The following JPH1 variants were observed in gnomAD, a reference collection of about 807,000 sequenced individuals.
JPH1 encodes junctophilin-1.
Under a neutral mutation model 53.6 loss-of-function variants are expected in JPH1, and 12 were observed. The ratio of observed to expected loss-of-function variants is 0.22; its 90% CI spans 0.14 to 0.36. JPH1 has a LOEUF of 0.36. JPH1 is among the 10% of genes least tolerant of loss of function. JPH1 has a pLI of 1.00. For synonymous variants in JPH1, 375 were observed against 363.8 expected, an observed-to-expected ratio of 1.03 and a Z score of -0.35; for missense variants, 808 against 905.5, an observed-to-expected ratio of 0.89 and a Z score of 1.38.
chr8:74,277,198 T>C (rs990117011), intron 2 of JPH1, among the ~76,000 whole-genome samples: 4 of 152,192 alleles, frequency 2.6e-5, no homozygotes, highest in African/African-American at 9.6e-5. Flanking sequence ...AAAGCCACCC[T>C]GAGGCCACAC....
At chr8:74,291,968 T>A (rs560223523) in intron 2 of JPH1, among the ~76,000 whole-genome samples, 2 of 152,086 alleles carry the variant, frequency 1.3e-5, no homozygotes, top group Non-Finnish European at 2.9e-5. Flanking sequence ...TAGGTGGGAA[T>A]TGAACAATGA....
intron 2 of JPH1, among the ~76,000 whole-genome samples, chr8:74,299,401 T>C (rs1213787570): frequency 6.6e-6 from 1 of 152,206 alleles, no homozygotes; most frequent in Non-Finnish European, 1.5e-5. Context: ...TAAATGGAGT[T>C]GTATACAGAT....
chr8:74,249,028 G>A (rs760682930), intron 3 of JPH1, among the ~76,000 whole-genome samples: 2 of 152,150 alleles, frequency 1.3e-5, no homozygotes, highest in African/African-American at 4.8e-5. Flanking sequence ...ACCCGCTCAC[G>A]GACATGGCTG....
Position 74,321,464 on chromosome 8 carries a change from C to T in JPH1, c.-177G>A. The T allele has an allele frequency of 1.9e-6, 1 of 531,920 alleles. No homozygotes were observed. The highest frequency in any genetic ancestry group is 3.0e-6 in the Non-Finnish European group (1 of 328,686). 33.0% of individuals were successfully genotyped at this position (531,920 alleles called of 1,614,324 possible). ...CGCCCCCGTCCTCCCTCCTCTTTTG[C>T]CGCCGCCACCGCCGCCTTCCTCCTC... On this transcript the variant is annotated 5_prime_UTR_variant, in exon 1 of 6. Coordinates refer to ENST00000342232, the MANE Select transcript of JPH1 (RefSeq NM_020647.4). This position sits in a 1 kb window ranked among gnomAD's most constrained non-coding sequence, Gnocchi z 4.3.
intron 2 of JPH1, among the ~76,000 whole-genome samples, chr8:74,287,074 T>G (rs1289032627): frequency 6.6e-6 from 1 of 152,174 alleles, no homozygotes; most frequent in Non-Finnish European, 1.5e-5. Flanking sequence ...CAGCCACTTG[T>G]GGTGGAGAAA....
In JPH1 at chr8:74,289,929, C is replaced by T. The variant is rs146364837; in HGVS notation, c.1139+24932G>A. On this transcript the variant is annotated intron_variant, in intron 2 of 5. Coordinates refer to ENST00000342232, the MANE Select transcript of JPH1 (RefSeq NM_020647.4). ...ATCCCAGGGATAAAGCCAACTTGAT[C>T]GTGGTGGATAAGCTTTTTGATGTGC... Among the ~76,000 whole-genome samples the T allele has an allele frequency of 4.9e-3, 751 of 152,234 alleles. 5 individuals are homozygous for T. Among genetic ancestry groups the T allele is most frequent in the African/African-American group, 0.017 (715 of 41,536 alleles).
intron 2 of JPH1, among the ~76,000 whole-genome samples, chr8:74,287,322 G>A (rs886243709): frequency 2.6e-5 from 4 of 151,980 alleles, no homozygotes; most frequent in African/African-American, 9.7e-5. Context: ...CAGCTACTTG[G>A]GAGGCGGAGA....
At chr8:74,242,903 T>C (rs896877460) in intron 4 of JPH1, among the ~76,000 whole-genome samples, 1 of 152,242 alleles carries the variant, frequency 6.6e-6, no homozygotes, top group African/African-American at 2.4e-5. Context: ...GGCTGTGAAT[T>C]TACCAAACAT....
At chr8:74,273,285 G>T (rs1306776316) in intron 2 of JPH1, among the ~76,000 whole-genome samples, 1 of 152,108 alleles carries the variant, frequency 6.6e-6, no homozygotes, top group Non-Finnish European at 1.5e-5. Context: ...TTTTAAATAT[G>T]TATACATTAT....
chr8:74,285,198 A>G (rs1170199839), intron 2 of JPH1, among the ~76,000 whole-genome samples: 2 of 152,070 alleles, frequency 1.3e-5, no homozygotes, highest in Non-Finnish European at 2.9e-5. Flanking sequence ...CCTTACACTC[A>G]AAGTTAGTGA....
chr8:74,282,011 T>C (rs1307789159), intron 2 of JPH1, among the ~76,000 whole-genome samples: 3 of 152,238 alleles, frequency 2.0e-5, no homozygotes, highest in Admixed American at 6.5e-5. Flanking sequence ...TGTTCCATAG[T>C]TCCCTGTGTT....
chr8:74,301,215 G>A (rs1807672380), intron 2 of JPH1, among the ~76,000 whole-genome samples: 1 of 152,026 alleles, frequency 6.6e-6, no homozygotes, highest in Non-Finnish European at 1.5e-5. Context: ...TCCGGTCCTG[G>A]CCCCACTTAA....
intron 1 of JPH1, among the ~76,000 whole-genome samples, chr8:74,317,564 A>C (rs1808199109): frequency 6.6e-6 from 1 of 152,218 alleles, no homozygotes; most frequent in African/African-American, 2.4e-5. Flanking sequence ...GTAAAATTTA[A>C]ATTCTAGGAT....
At chr8:74,287,669 C>A (rs1197747993) in intron 2 of JPH1, among the ~76,000 whole-genome samples, 2 of 136,912 alleles carry the variant, frequency 1.5e-5, no homozygotes, top group African/African-American at 5.4e-5. Context: ...AGTCTAGTTT[C>A]TTTTTTTTTT....
At chr8:74,243,507 T>C (rs1251999240) in intron 4 of JPH1, among the ~76,000 whole-genome samples, 3 of 152,252 alleles carry the variant, frequency 2.0e-5, no homozygotes, top group Non-Finnish European at 2.9e-5. Context: ...GGAATTTTAA[T>C]TGTTTAATCC....
chr8:74,302,662 CAA>C (rs1422477173), intron 2 of JPH1, among the ~76,000 whole-genome samples: 2 of 152,082 alleles, frequency 1.3e-5, no homozygotes, highest in African/African-American at 4.8e-5. Context: ...GTTGCTGGTG[CAA>C]AGAGCTCCAG....
chr8:74,256,278 A>C lies in JPH1; in HGVS notation c.1258+3107T>G, dbSNP rs368469987. On this transcript the variant is annotated intron_variant, in intron 3 of 5. Transcript: ENST00000342232. ...GAAGCTGGAGACCATCATTCTCAGCAAACTATCACAAGGACAAAAAACCAA... is the reference window on the plus strand; with the variant it reads ...GAAGCTGGAGACCATCATTCTCAGCCAACTATCACAAGGACAAAAAACCAA... 1.3e-3 allele frequency among the ~76,000 whole-genome samples: 204 copies of C among 152,176 alleles called. 1 individual carries two copies. The highest frequency in any genetic ancestry group is 2.7e-3 in the Non-Finnish European group (181 of 68,004).
chr8:74,297,231 A>T (rs760120580), intron 2 of JPH1, among the ~76,000 whole-genome samples: 8 of 152,112 alleles, frequency 5.3e-5, no homozygotes, highest in Admixed American at 6.5e-5. Context: ...GGTTGATCAG[A>T]CTCCGACGGG....
chr8:74,314,721 G>C, intron 2 of JPH1, 140 bp downstream of exon 2: 2 of 989,362 alleles, frequency 2.0e-6, no homozygotes, highest in Non-Finnish European at 1.5e-6. Flanking sequence ...ATTCTACTGA[G>C]TGTAATCATT....
Sources: allele counts gnomAD v4.1 joint callset (sites outside exome capture counted in the v4.1 genomes callset), GRCh38; gene constraint gnomAD v4.1.1; non-coding constraint Gnocchi (gnomAD v3.1); transcripts MANE v1.5; gene names NCBI Gene and HGNC (gene_info 2026-07-23, HGNC 2026-07-21).